Variants in BLTP1 observed in about 807,000 individuals in gnomAD.
The protein encoded by BLTP1 is bridge-like lipid transfer protein family member 1.
the BLTP1 span, chr4:122,188,002 A>C: frequency 6.3e-7 from 1 of 1,594,890 alleles, no homozygotes; most frequent in African/African-American, 1.4e-5. Flanking sequence ...ATCTTGACCA[A>C]TTCATGCATA....
At chr4:122,333,580 G>T in the BLTP1 span, 54 of 1,526,306 alleles carry the variant, frequency 3.5e-5, no homozygotes, top group African/African-American at 6.9e-4. Context: ...TAAACAAAAA[G>T]ATAAATGTGT....
At chr4:122,219,098 G>T in the BLTP1 span, 1 of 976,754 alleles carries the variant, frequency 1.0e-6, no homozygotes, top group Non-Finnish European at 1.2e-6. Context: ...GCAATGCCAT[G>T]AAGTTTTTCT....
chr4:122,172,682 G>A, the BLTP1 span, among the ~76,000 whole-genome samples: 1 of 152,250 alleles, frequency 6.6e-6, no homozygotes, highest in South Asian at 2.1e-4. Context: ...AATAACTTGG[G>A]AATGAACTTG....
the BLTP1 span, chr4:122,276,496 A>G: frequency 1.0e-6 from 1 of 982,928 alleles, no homozygotes; most frequent in Non-Finnish European, 1.2e-6. Flanking sequence ...CATGGCCTTT[A>G]CTATATGTAA....
chr4:122,292,812 A>G, the BLTP1 span: 1,094 of 173,542 alleles, frequency 6.3e-3, 8 homozygotes, highest in African/African-American at 0.025. Context: ...AAAAGAACTA[A>G]TGGAGGTCCT....
chr4:122,200,622 TA>T, the BLTP1 span: 103 of 858,722 alleles, frequency 1.2e-4, no homozygotes, highest in Non-Finnish European at 1.4e-4. Flanking sequence ...GCAGAAATAC[TA>T]ATGTTACTTT....
At chr4:122,330,806 C>A in the BLTP1 span, 1 of 161,412 alleles carries the variant, frequency 6.2e-6, no homozygotes, top group Non-Finnish European at 1.3e-5. Flanking sequence ...AAGCCTTTTC[C>A]CTATGTTTTC....
At chr4:122,185,967 A>C in the BLTP1 span, 1 of 1,244,062 alleles carries the variant, frequency 8.0e-7, no homozygotes, top group East Asian at 2.4e-5. Flanking sequence ...GTGTATAAAA[A>C]TGTTTGAGTA....
At chr4:122,353,239 C>G in the BLTP1 span, 1 of 1,539,952 alleles carries the variant, frequency 6.5e-7, no homozygotes, top group African/African-American at 1.4e-5. The surrounding 1 kb of genome is among the most constrained non-coding windows in gnomAD (Gnocchi z 4.3). Flanking sequence ...AAGTCCATCT[C>G]TGTTTGTTAT....
chr4:122,236,994 G>A, the BLTP1 span: 1 of 985,224 alleles, frequency 1.0e-6, no homozygotes, highest in Non-Finnish European at 1.2e-6. Context: ...CTATTTGGAA[G>A]GTCAGTGAGC....
the BLTP1 span, chr4:122,257,200 T>A: frequency 6.5e-7 from 1 of 1,537,790 alleles, no homozygotes; most frequent in East Asian, 2.3e-5. Context: ...AGCACTTAAA[T>A]GGTAACTGAT....
the BLTP1 span, chr4:122,210,065 G>A: frequency 7.5e-7 from 1 of 1,333,614 alleles, no homozygotes; most frequent in Non-Finnish European, 9.8e-7. Context: ...TAGATTAATT[G>A]TAGCTACCTT....
At chr4:122,196,551 A>T in the BLTP1 span, 3 of 1,119,430 alleles carry the variant, frequency 2.7e-6, no homozygotes, top group Non-Finnish European at 3.8e-6. Context: ...GATAATAAAA[A>T]ATTAGAATAT....
the BLTP1 span, chr4:122,261,799 T>C: frequency 1.0e-6 from 1 of 979,728 alleles, no homozygotes; most frequent in Non-Finnish European, 1.2e-6. Flanking sequence ...GAAACATGCT[T>C]ATCAAGTGTT....
At chr4:122,200,213 T>C in the BLTP1 span, 2 of 982,170 alleles carry the variant, frequency 2.0e-6, no homozygotes, top group Non-Finnish European at 2.4e-6. Context: ...TAATGAATTC[T>C]TCATCTATTG....
chr4:122,267,294 C>T, the BLTP1 span, among the ~76,000 whole-genome samples: 322 of 151,590 alleles, frequency 2.1e-3, 2 homozygotes, highest in Non-Finnish European at 3.8e-3. Flanking sequence ...CTCCTGACCT[C>T]GTGATCCACC....
At chr4:122,334,794 T>G in the BLTP1 span, among the ~76,000 whole-genome samples, 2 of 152,078 alleles carry the variant, frequency 1.3e-5, no homozygotes, top group Non-Finnish European at 2.9e-5. Flanking sequence ...AATTAAATTT[T>G]TAGGTCTGTA....
At chr4:122,187,875 GTTTA>G in the BLTP1 span, 1 of 1,548,692 alleles carries the variant, frequency 6.5e-7, no homozygotes, top group Non-Finnish European at 8.6e-7. Context: ...TCTCTTATCT[GTTTA>G]TTTTTTTTTT....
the BLTP1 span, among the ~76,000 whole-genome samples, chr4:122,288,212 T>G: frequency 6.6e-6 from 1 of 152,166 alleles, no homozygotes; most frequent in Non-Finnish European, 1.5e-5. Flanking sequence ...AGGACACAAA[T>G]TATAGGACAC....
Sources: gnomAD v4.1 joint callset for allele counts (sites outside exome capture counted in the v4.1 genomes callset) on GRCh38, gnomAD v4.1.1 for gene constraint, Gnocchi (gnomAD v3.1) non-coding constraint, MANE v1.5 for transcripts, NCBI Gene and HGNC (gene_info 2026-07-23, HGNC 2026-07-21) for gene names.